Variants in JAM3 observed in about 807,000 individuals in gnomAD.
The protein encoded by JAM3 is junctional adhesion molecule C.
Under a neutral mutation model 39.4 loss-of-function variants are expected in JAM3, and 31 were observed. The observed-to-expected ratio is 0.79, with a 90% confidence interval of 0.59 to 1.06. The LOEUF (loss-of-function observed/expected upper bound fraction) is 1.06, where lower values mean the gene tolerates loss of function less well. Among genes scored for constraint, JAM3 ranks in the 50% least tolerant of loss-of-function variants. The pLI, the probability that JAM3 is intolerant of heterozygous loss-of-function variation, is 0.00. For synonymous variants in JAM3, 182 were observed against 148.7 expected (o/e 1.22, Z -1.63); for missense variants, 455 against 391.4 (o/e 1.16, Z -1.37).
intron 6 of JAM3, chr11:134,148,240 A>G (rs1387866418): frequency 2.4e-6 from 1 of 421,638 alleles, no homozygotes; most frequent in African/African-American, 2.0e-5. Context: ...TCCATAAGTA[A>G]TCTCAGGCAT....
chr11:134,141,300 G>C (rs1411687707), intron 3 of JAM3, among the ~76,000 whole-genome samples: 3 of 152,148 alleles, frequency 2.0e-5, no homozygotes, highest in African/African-American at 7.2e-5. Context: ...GCGGTGTGAA[G>C]GGTGGCTGGT....
intron 1 of JAM3, chr11:134,124,309 CAG>C (rs959000700): frequency 2.3e-5 from 19 of 825,706 alleles, no homozygotes; most frequent in African/African-American, 1.2e-4. Context: ...GAAATCTCCA[CAG>C]GGGCTGGACG....
At chr11:134,125,886 G>A (rs115252401) in intron 1 of JAM3, among the ~76,000 whole-genome samples, 1,556 of 152,246 alleles carry the variant, frequency 0.01, 22 homozygotes, top group African/African-American at 0.035. Context: ...TTCAGAAAAA[G>A]CACCCCGATG....
At chr11:134,092,562 C>T (rs868183841) in intron 1 of JAM3, among the ~76,000 whole-genome samples, 2 of 150,960 alleles carry the variant, frequency 1.3e-5, no homozygotes, top group South Asian at 4.2e-4. Flanking sequence ...TCATCATTTT[C>T]CATCTTACAT....
chr11:134,115,615 G>A (rs1942413253), intron 1 of JAM3, among the ~76,000 whole-genome samples: 1 of 152,088 alleles, frequency 6.6e-6, no homozygotes, highest in Non-Finnish European at 1.5e-5. Context: ...GATTGGGGGA[G>A]GGGGTCAGGT....
At chr11:134,081,675 A>T (rs1035251565) in intron 1 of JAM3, among the ~76,000 whole-genome samples, 32 of 152,200 alleles carry the variant, frequency 2.1e-4, no homozygotes, top group Admixed American at 6.5e-5. Flanking sequence ...TCTCATAGAG[A>T]TCATCTGCTA....
At chr11:134,115,446 C>T (rs1362332739) in intron 1 of JAM3, among the ~76,000 whole-genome samples, 2 of 151,918 alleles carry the variant, frequency 1.3e-5, no homozygotes, top group African/African-American at 4.8e-5. Flanking sequence ...TCTTTTTATG[C>T]CTTCTTTTCT....
intron 4 of JAM3, 73 bp downstream of exon 4, chr11:134,144,466 C>T (rs886878604): frequency 3.2e-6 from 5 of 1,554,342 alleles, no homozygotes; most frequent in Non-Finnish European, 3.5e-6. Context: ...TGGTTTCTTT[C>T]CTTCTAGAAC....
chr11:134,092,977 C>G (rs541363050), intron 1 of JAM3, among the ~76,000 whole-genome samples: 16 of 144,604 alleles, frequency 1.1e-4, no homozygotes, highest in South Asian at 2.3e-4. Context: ...AGCTTCTCCT[C>G]AGCCCTCCTT....
intron 1 of JAM3, among the ~76,000 whole-genome samples, chr11:134,134,824 G>A (rs1282438062): frequency 2.6e-5 from 4 of 152,100 alleles, no homozygotes; most frequent in Non-Finnish European, 5.9e-5. Context: ...TGAACTCTTT[G>A]CCCATTTTAA....
intron 1 of JAM3, among the ~76,000 whole-genome samples, chr11:134,138,802 T>G (rs1942920769): frequency 6.6e-6 from 1 of 152,238 alleles, no homozygotes; most frequent in African/African-American, 2.4e-5. Context: ...TGAATTATTG[T>G]TTAGGGCTTT....
At chr11:134,148,967 C>CAT in intron 8 of JAM3, 149 bp downstream of exon 8, 1 of 825,352 alleles carries the variant, frequency 1.2e-6, no homozygotes, top group South Asian at 1.5e-5. Flanking sequence ...CACACACACA[C>CAT]ACACACACAC....
At chr11:134,102,388 G>A (rs534112608) in intron 1 of JAM3, among the ~76,000 whole-genome samples, 1 of 152,082 alleles carries the variant, frequency 6.6e-6, no homozygotes, top group African/African-American at 2.4e-5. Context: ...GAGGACCAAA[G>A]GTAGATAAAA....
At chr11:134,079,539 A>T (rs1014077602) in intron 1 of JAM3, among the ~76,000 whole-genome samples, 5 of 152,184 alleles carry the variant, frequency 3.3e-5, no homozygotes, top group African/African-American at 1.2e-4. Flanking sequence ...TGGGTGAAAA[A>T]AAAAAGCACT....
At chr11:134,144,441 G>A in intron 4 of JAM3, 48 bp downstream of exon 4, 2 of 1,603,032 alleles carry the variant, frequency 1.2e-6, no homozygotes, top group Non-Finnish European at 8.5e-7. Context: ...GGATGCAAGA[G>A]ATCAGTTAGT....
intron 1 of JAM3, among the ~76,000 whole-genome samples, chr11:134,111,419 T>C (rs1302646191): frequency 6.6e-6 from 1 of 152,042 alleles, no homozygotes; most frequent in Non-Finnish European, 1.5e-5. Flanking sequence ...ATCTTTTAAC[T>C]ATGGAAAAAT....
chr11:134,123,532 C>T (rs2120782769), intron 1 of JAM3, among the ~76,000 whole-genome samples: 1 of 152,328 alleles, frequency 6.6e-6, no homozygotes. Context: ...TTTAAAAAGA[C>T]AGATTTCAAA....
chr11:134,115,461 G>A (rs1942410148), intron 1 of JAM3, among the ~76,000 whole-genome samples: 1 of 151,852 alleles, frequency 6.6e-6, no homozygotes, highest in Non-Finnish European at 1.5e-5. Context: ...TTTTCTATTG[G>A]GTAACTTTGT....
At chr11:134,074,829 C>T (rs953303855) in intron 1 of JAM3, among the ~76,000 whole-genome samples, 15 of 152,184 alleles carry the variant, frequency 9.9e-5, no homozygotes, top group Admixed American at 5.9e-4. Flanking sequence ...AGATGTTTCC[C>T]GAAGCACTCT....
Sources: gnomAD v4.1 joint callset for allele counts (sites outside exome capture counted in the v4.1 genomes callset) on GRCh38, gnomAD v4.1.1 for gene constraint, MANE v1.5 for transcripts, NCBI Gene and HGNC (gene_info 2026-07-23, HGNC 2026-07-21) for gene names.